The following LRRIQ1 variants were observed in gnomAD, a reference collection of about 807,000 sequenced individuals.
LRRIQ1 encodes the protein leucine rich repeats and IQ motif containing 1.
A neutral mutation model predicts 211.9 loss-of-function variants in LRRIQ1; 210 were observed. That is an observed-to-expected ratio of 0.99 (90% CI 0.89 to 1.11). LRRIQ1 has a LOEUF of 1.11. LRRIQ1 is among the 50% of genes most tolerant of loss of function. LRRIQ1 has a pLI of 0.00. For missense variants in LRRIQ1, 2,136 were observed against 1,939.5 expected, an observed-to-expected ratio of 1.10 and a Z score of -1.90; for synonymous variants, 699 against 650.1, an observed-to-expected ratio of 1.08 and a Z score of -1.14.
chr12:85,188,289 A>G (rs1386159878), intron 24 of LRRIQ1, among the ~76,000 whole-genome samples: 1 of 152,144 alleles, frequency 6.6e-6, no homozygotes, highest in Non-Finnish European at 1.5e-5. Flanking sequence ...CATTTTAATT[A>G]TAGAATACAA....
chr12:85,225,016 G>T (rs915642428), intron 24 of LRRIQ1, among the ~76,000 whole-genome samples: 1 of 151,950 alleles, frequency 6.6e-6, no homozygotes, highest in African/African-American at 2.4e-5. Flanking sequence ...AATAGGATAT[G>T]AAGAAGACAT....
intron 15 of LRRIQ1, among the ~76,000 whole-genome samples, chr12:85,114,156 CA>C (rs149784352): frequency 0.019 from 2,888 of 152,080 alleles, 80 homozygotes; most frequent in African/African-American, 0.066. Flanking sequence ...ACTTCTCATA[CA>C]AAAACAAGAG....
At chr12:85,079,444 C>T (rs1449015519) in intron 11 of LRRIQ1, among the ~76,000 whole-genome samples, 1 of 151,364 alleles carries the variant, frequency 6.6e-6, no homozygotes, top group African/African-American at 2.4e-5. Flanking sequence ...AGACTGGTCT[C>T]GAACTCCTGA....
chr12:85,051,247 G>A (rs921127554), intron 6 of LRRIQ1, among the ~76,000 whole-genome samples: 1 of 151,950 alleles, frequency 6.6e-6, no homozygotes, highest in Non-Finnish European at 1.5e-5. Context: ...TCCACCGTGA[G>A]TAAAAGCATC....
chr12:85,054,861 C>T (rs1410296053), intron 7 of LRRIQ1, among the ~76,000 whole-genome samples: 1 of 152,020 alleles, frequency 6.6e-6, no homozygotes, highest in Non-Finnish European at 1.5e-5. Context: ...AATATAGTCT[C>T]ATATCCTTTT....
At chr12:85,124,561 A>C in intron 17 of LRRIQ1, 42 bp downstream of exon 17, 1 of 1,444,640 alleles carries the variant, frequency 6.9e-7, no homozygotes, top group Non-Finnish European at 9.6e-7. Flanking sequence ...ATGTATGTTT[A>C]CTCCTTTTGA....
chr12:85,265,300 C>T (rs948081610), downstream of LRRIQ1, among the ~76,000 whole-genome samples: 1 of 151,882 alleles, frequency 6.6e-6, no homozygotes, highest in Non-Finnish European at 1.5e-5. Context: ...GCTAATTATT[C>T]ATCATCTGGA....
chr12:85,068,429 A>G (rs964447569), intron 10 of LRRIQ1, among the ~76,000 whole-genome samples: 3 of 151,912 alleles, frequency 2.0e-5, no homozygotes, highest in Non-Finnish European at 4.4e-5. Flanking sequence ...TAAATGTACA[A>G]TAATACATAG....
intron 15 of LRRIQ1, among the ~76,000 whole-genome samples, chr12:85,107,339 TG>T (rs901959843): frequency 7.9e-5 from 12 of 152,114 alleles, no homozygotes; most frequent in African/African-American, 2.9e-4. Flanking sequence ...CATGCTTTTT[TG>T]CAATAAGTTC....
chr12:85,056,291 G>T lies in LRRIQ1; in HGVS notation c.1498G>T (p.Glu500Ter). Residue 500 changes from glutamate (E) to a stop codon, truncating the protein, a stop_gained, in exon 8 of 27, where the codon GAA becomes TAA. Coordinates refer to ENST00000393217, the MANE Select transcript of LRRIQ1 (RefSeq NM_001079910.2). LOFTEE classifies it high-confidence loss of function. ...ATGTTCAGAAGAATTGGTCAAGCAA[G>T]AAAGAAAATATGAAAATACAGATAA... ...KRCSEELVKQ[E>*]RKYENTDNKT... 1 of 1,585,044 alleles carries T rather than the reference G, an allele frequency of 6.3e-7. No individual in the cohort carries two copies. Among genetic ancestry groups the T allele is most frequent in the Non-Finnish European group, 8.5e-7 (1 of 1,172,502 alleles).
At position 85,098,871 on chromosome 12, in the gene LRRIQ1, C is replaced by T; in HGVS notation, c.3086C>T (p.Pro1029Leu). The T allele has an allele frequency of 6.4e-7, 1 of 1,550,942 alleles. No homozygotes were observed. ...ATGAACCAAATTTAAATATAGCTTC[C>T]ATCCTTGGAGAATCTTGTTTTACTA... ...KLQGNYLSEL[P>L]SLENLVLLRE... The change falls in exon 13 of 27, where the codon CCA becomes CTA. Residue 1029 changes from proline to leucine, a missense_variant. Pro to Leu is a moderately conservative substitution (Grantham distance 98, BLOSUM62 -3). Coordinates refer to ENST00000393217, the MANE Select transcript of LRRIQ1 (RefSeq NM_001079910.2).
chr12:85,057,162 G>C lies in LRRIQ1; in HGVS notation c.2369G>C (p.Gly790Ala). ...GATAAACTGGAAATTCTTCGATGTG[G>C]CCCTTGGGATACTTTACAGCAGGTA... The part of the protein sequence containing the change: ...ALDKLEILRC[G>A]PWDTLQQVTT... Residue 790 changes from glycine (G) to alanine (A), a missense_variant, in exon 8 of 27, where the codon GGC becomes GCC. By Grantham distance (60) the Gly-to-Ala change is moderately conservative. Transcript: ENST00000393217. 2 of 1,537,488 alleles carry C rather than the reference G, an allele frequency of 1.3e-6. No homozygotes were observed. The highest frequency in any genetic ancestry group is 1.7e-6 in the Non-Finnish European group (2 of 1,147,138).
intron 23 of LRRIQ1, chr12:85,159,497 A>C (rs1352949833): frequency 6.6e-6 from 1 of 152,024 alleles, no homozygotes; most frequent in Non-Finnish European, 1.5e-5. Context: ...CTAGTACTTC[A>C]AAAACAATAT....
At position 85,098,534 on chromosome 12, in the gene LRRIQ1, A is replaced by G. The variant is rs775558910; in HGVS notation, c.3067A>G (p.Asn1023Asp). 1.2e-6 allele frequency: 2 copies of G among 1,607,560 alleles called. No homozygotes were observed. The highest frequency in any genetic ancestry group is 1.3e-5 in the African/African-American group (1 of 74,708). ...GLLQILKLQG[N>D]YLSELPSLEN... is the part of the protein sequence containing the mutation. Reference sequence around the variant, plus strand: ...GCTCCAAATATTGAAGTTACAGGGAAATTATCTGAGTGAGGTAATTGCTTT... The same window carrying G: ...GCTCCAAATATTGAAGTTACAGGGAGATTATCTGAGTGAGGTAATTGCTTT... Residue 1023 changes from asparagine to aspartate, a missense_variant, in exon 12 of 27, where the codon AAT (asparagine) becomes GAT (aspartate). Asn to Asp is a conservative substitution (Grantham distance 23). Coordinates refer to ENST00000393217, the MANE Select transcript of LRRIQ1 (RefSeq NM_001079910.2).
At chr12:85,092,181 T>C (rs571039815) in intron 11 of LRRIQ1, among the ~76,000 whole-genome samples, 1 of 152,244 alleles carries the variant, frequency 6.6e-6, no homozygotes, top group African/African-American at 2.4e-5. Context: ...GCTTACAGAA[T>C]CATATAAAAA....
chr12:85,128,234 A>T (rs1388418670), intron 18 of LRRIQ1, among the ~76,000 whole-genome samples: 1 of 152,158 alleles, frequency 6.6e-6, no homozygotes, highest in Admixed American at 6.6e-5. Flanking sequence ...TCTGGATTGA[A>T]GGAATAAGCC....
intron 19 of LRRIQ1, among the ~76,000 whole-genome samples, chr12:85,140,446 T>C (rs1173197592): frequency 6.6e-6 from 1 of 151,348 alleles, no homozygotes; most frequent in Non-Finnish European, 1.5e-5. Flanking sequence ...ATTGACCTCA[T>C]CTTCAACCAC....
At chr12:85,078,151 C>T (rs1225382295) in intron 11 of LRRIQ1, among the ~76,000 whole-genome samples, 4 of 152,040 alleles carry the variant, frequency 2.6e-5, no homozygotes, top group Non-Finnish European at 5.9e-5. Context: ...ATTGTTTCTC[C>T]TTTAATGTTT....
intron 11 of LRRIQ1, among the ~76,000 whole-genome samples, chr12:85,078,246 A>G (rs1045056706): frequency 2.6e-5 from 4 of 152,156 alleles, no homozygotes; most frequent in African/African-American, 9.6e-5. Context: ...AAGAATAATT[A>G]TTGGGAAATA....
Sources: allele counts gnomAD v4.1 joint callset (sites outside exome capture counted in the v4.1 genomes callset), GRCh38; gene constraint gnomAD v4.1.1; transcripts MANE v1.5; gene names NCBI Gene and HGNC (gene_info 2026-07-23, HGNC 2026-07-21).